VPS53: variants seen among roughly 807,000 people sequenced by gnomAD.
VPS53 encodes VPS53 subunit of GARP complex, also known as vacuolar protein sorting-associated protein 53 homolog.
Under a neutral mutation model 107.0 loss-of-function variants are expected in VPS53, and 70 were observed. The ratio of observed to expected loss-of-function variants is 0.65; its 90% CI spans 0.54 to 0.80. The LOEUF (loss-of-function observed/expected upper bound fraction) is 0.80. Among genes scored for constraint, VPS53 ranks in the 30% least tolerant of loss-of-function variants. The pLI is 0.00. For missense variants in VPS53, 917 were observed against 1,049.4 expected (o/e 0.87, Z 1.74); for synonymous variants, 409 against 393.3 (o/e 1.04, Z -0.47).
chr17:566,459 T>G (rs1384225307), intron 13 of VPS53, among the ~76,000 whole-genome samples: 1 of 152,290 alleles, frequency 6.6e-6, no homozygotes, highest in African/African-American at 2.4e-5. Context: ...CTGGTTCTGC[T>G]GCCCCCGGCC....
chr17:527,819 C>A (rs1909239941), intron 19 of VPS53, among the ~76,000 whole-genome samples: 1 of 152,140 alleles, frequency 6.6e-6, no homozygotes, highest in Non-Finnish European at 1.5e-5. Context: ...GCTGTGTTGC[C>A]CAGGCTGATC....
chr17:597,599 A>G (rs62056467), intron 12 of VPS53, among the ~76,000 whole-genome samples: 21,157 of 152,120 alleles, frequency 0.14, 1,819 homozygotes, highest in South Asian at 0.24. Flanking sequence ...CTATAGTGCA[A>G]TGGCGTGATC....
intron 4 of VPS53, among the ~76,000 whole-genome samples, chr17:679,419 C>T (rs1033950709): frequency 1.3e-5 from 2 of 152,022 alleles, no homozygotes; most frequent in Non-Finnish European, 2.9e-5. Context: ...GAGGCTGAGG[C>T]GGGAGAATCG....
intron 12 of VPS53, among the ~76,000 whole-genome samples, chr17:590,368 T>C (rs935065502): frequency 5.3e-4 from 81 of 152,246 alleles, no homozygotes; most frequent in African/African-American, 1.9e-3. Context: ...ATACCCTTTA[T>C]TTCCTTCTCC....
At chr17:669,315 G>T (rs1253797127) in intron 4 of VPS53, among the ~76,000 whole-genome samples, 1 of 152,132 alleles carries the variant, frequency 6.6e-6, no homozygotes, top group African/African-American at 2.4e-5. Context: ...GGTTGGCCGG[G>T]GGGGCAGTAG....
intron 4 of VPS53, among the ~76,000 whole-genome samples, chr17:673,449 G>A (rs956242204): frequency 6.6e-6 from 1 of 152,240 alleles, no homozygotes; most frequent in Non-Finnish European, 1.5e-5. Flanking sequence ...CAGCAGCAGA[G>A]GCTGCGGGAC....
chr17:667,712 T>C (rs1971756251), intron 4 of VPS53, among the ~76,000 whole-genome samples: 1 of 151,034 alleles, frequency 6.6e-6, no homozygotes, highest in South Asian at 2.1e-4. Context: ...ATAATGTTCT[T>C]GAATTGTTTA....
Position 710,569 on chromosome 17 carries a change from A to G in VPS53, c.132T>C (p.Ala44=). 1.2e-6 allele frequency: 2 copies of G among 1,614,180 alleles called. No homozygotes were observed. The highest frequency in any genetic ancestry group is 1.7e-6 in the Non-Finnish European group (2 of 1,180,010). The change falls in exon 2 of 22, where the codon GCT becomes GCC. Residue 44 remains alanine (A), a synonymous_variant. Coordinates refer to ENST00000437048, the MANE Select transcript of VPS53 (RefSeq NM_001128159.3). ...QDPLDRADFN[A]VEYINTLFPT... ...GGAACAGGGTATTGATATACTCAAC[A>G]GCATTGAAATCTGCTCGATCTAGAG... is the stretch of plus-strand genomic sequence containing the variant.
chr17:672,233 G>A (rs942121720), intron 4 of VPS53, among the ~76,000 whole-genome samples: 2 of 126,208 alleles, frequency 1.6e-5, no homozygotes, highest in African/African-American at 5.8e-5. Flanking sequence ...CCCGTCTTTG[G>A]CTTCAGCTGT....
At chr17:634,520 T>G in intron 7 of VPS53, among the ~76,000 whole-genome samples, 1 of 150,312 alleles carries the variant, frequency 6.7e-6, no homozygotes, top group East Asian at 2.0e-4. Context: ...ACATTAGCTA[T>G]ATCTCCTAAT....
At chr17:553,849 T>G (rs1184838543) in intron 15 of VPS53, among the ~76,000 whole-genome samples, 1 of 152,112 alleles carries the variant, frequency 6.6e-6, no homozygotes, top group Admixed American at 6.6e-5. Flanking sequence ...AGATTACAAG[T>G]GTGAGCCACT....
chr17:684,643 C>T (rs1972518011), intron 4 of VPS53, among the ~76,000 whole-genome samples: 1 of 152,138 alleles, frequency 6.6e-6, no homozygotes, highest in Admixed American at 6.5e-5. Flanking sequence ...TCTATAGACT[C>T]AACGCAATCC....
At chr17:571,243 G>C (rs1914017975) in intron 13 of VPS53, among the ~76,000 whole-genome samples, 1 of 141,742 alleles carries the variant, frequency 7.1e-6, no homozygotes, top group African/African-American at 2.6e-5. Flanking sequence ...GAGAGGAAGG[G>C]AGGGGAGGGG....
intron 13 of VPS53, among the ~76,000 whole-genome samples, chr17:582,072 C>T (rs1248763619): frequency 6.7e-6 from 1 of 149,734 alleles, no homozygotes. Context: ...CAGTGCAATC[C>T]CAGAGAACCT....
chr17:654,531 G>A (rs1043978207), intron 6 of VPS53, among the ~76,000 whole-genome samples: 10 of 152,070 alleles, frequency 6.6e-5, no homozygotes, highest in Admixed American at 1.3e-4. Context: ...AAGGTCAGGA[G>A]ATCGAGACCA....
intron 11 of VPS53, among the ~76,000 whole-genome samples, chr17:612,987 TAGTG>T (rs1968964402): frequency 6.8e-6 from 1 of 147,450 alleles, no homozygotes; most frequent in African/African-American, 2.5e-5. Flanking sequence ...AATATTCACA[TAGTG>T]AGTTCACACA....
chr17:674,527 T>G (rs1206288960), intron 4 of VPS53: 1 of 152,332 alleles, frequency 6.6e-6, no homozygotes, highest in East Asian at 1.9e-4. Context: ...CTTACTCTCT[T>G]TAGGGCCTCA....
chr17:617,852 C>T (rs1167680834), intron 11 of VPS53, among the ~76,000 whole-genome samples: 1 of 61,740 alleles, frequency 1.6e-5, no homozygotes, highest in Non-Finnish European at 3.1e-5. Context: ...CAGGCGTGCG[C>T]CACCACGCCC....
intron 4 of VPS53, among the ~76,000 whole-genome samples, chr17:671,595 G>A (rs1971948376): frequency 6.6e-6 from 1 of 152,002 alleles, no homozygotes. Flanking sequence ...GTTTGGAATC[G>A]TTTACCCAAC....
Sources: allele counts gnomAD v4.1 joint callset (sites outside exome capture counted in the v4.1 genomes callset), GRCh38; gene constraint gnomAD v4.1.1; transcripts MANE v1.5; gene names NCBI Gene and HGNC (gene_info 2026-07-23, HGNC 2026-07-21).